Variants in LINC00305 observed in about 807,000 individuals in gnomAD.
The protein encoded by LINC00305 is long independently transcribed non-coding RNA 305, also known as long intergenic non-protein coding RNA 305.
intron 3 of LINC00305, among the ~76,000 whole-genome samples, chr18:64,091,667 C>T (rs2051225349): frequency 6.6e-6 from 1 of 152,236 alleles, no homozygotes. Flanking sequence ...GACCATTGGT[C>T]TGCAAAGCTC....
chr18:64,113,149 C>T (rs2051322444), intron 1 of LINC00305, among the ~76,000 whole-genome samples: 1 of 152,196 alleles, frequency 6.6e-6, no homozygotes, highest in South Asian at 2.1e-4. Flanking sequence ...ATTAACTACT[C>T]CCTACACTAG....
intron 1 of LINC00305, among the ~76,000 whole-genome samples, chr18:64,143,602 A>ATGTACACGTATTATGCGTACATATG (rs2051478127): frequency 4.1e-5 from 4 of 98,106 alleles, no homozygotes; most frequent in African/African-American, 1.0e-4. Context: ...ACACATATGT[A>ATGTACACGTATTATGCGTACATATG]TATGTACATA....
At chr18:64,085,868 C>A (rs2051201392) in intron 3 of LINC00305, among the ~76,000 whole-genome samples, 1 of 152,152 alleles carries the variant, frequency 6.6e-6, no homozygotes, top group African/African-American at 2.4e-5. Flanking sequence ...GCTGACTCTG[C>A]CATTAGCTAA....
chr18:64,142,769 G>C (rs948741885), intron 1 of LINC00305, among the ~76,000 whole-genome samples: 1 of 151,940 alleles, frequency 6.6e-6, no homozygotes, highest in Non-Finnish European at 1.5e-5. Context: ...ATAACCCCAG[G>C]AACCTTCTCC....
chr18:64,132,424 G>T (rs2144269437), intron 1 of LINC00305, among the ~76,000 whole-genome samples: 1 of 152,222 alleles, frequency 6.6e-6, no homozygotes, highest in Non-Finnish European at 1.5e-5. Context: ...TTAATTATTT[G>T]CACATATTCA....
At chr18:64,105,008 C>T (rs12957877) in intron 1 of LINC00305, among the ~76,000 whole-genome samples, 81 of 152,118 alleles carry the variant, frequency 5.3e-4, no homozygotes, top group Non-Finnish European at 1.0e-3. Flanking sequence ...TTTACTACTT[C>T]AGCACCCACC....
intron 1 of LINC00305, among the ~76,000 whole-genome samples, chr18:64,143,294 A>T (rs1170566676): frequency 6.6e-6 from 1 of 152,136 alleles, no homozygotes; most frequent in Non-Finnish European, 1.5e-5. Flanking sequence ...TAAGATTAAC[A>T]AAGCACCAAG....
At chr18:64,108,363 G>T (rs1352573479) in intron 1 of LINC00305, among the ~76,000 whole-genome samples, 4 of 152,184 alleles carry the variant, frequency 2.6e-5, no homozygotes, top group Admixed American at 2.6e-4. Flanking sequence ...GAGTATTATG[G>T]GTTAGCATGA....
At chr18:64,143,746 CGT>C (rs1245740186) in intron 1 of LINC00305, among the ~76,000 whole-genome samples, 26 of 69,406 alleles carry the variant, frequency 3.7e-4, no homozygotes, top group Middle Eastern at 0.016. Flanking sequence ...ACATATTATG[CGT>C]ACATGTATGT....
At chr18:64,083,822 G>T (rs2051193518) in intron 3 of LINC00305, among the ~76,000 whole-genome samples, 1 of 152,208 alleles carries the variant, frequency 6.6e-6, no homozygotes, top group Admixed American at 6.5e-5. Context: ...TTATAAACCT[G>T]CTTGATGGTA....
chr18:64,146,608 G>T (rs552341747), intron 1 of LINC00305, among the ~76,000 whole-genome samples: 1 of 152,246 alleles, frequency 6.6e-6, no homozygotes, highest in African/African-American at 2.4e-5. Flanking sequence ...CCACCAGCGG[G>T]GCTTCTGTGG....
Position 64,140,045 on chromosome 18 carries a change from G to A in LINC00305, n.314+8730C>T, listed in dbSNP as rs555000084. 4.3e-4 allele frequency among the ~76,000 whole-genome samples: 65 copies of A among 152,122 alleles called. No individual in the cohort carries two copies. The South Asian group carries it at 0.012, about 28-fold the overall frequency. Reference sequence around the variant, plus strand: ...CTCCCACCTCGGAGACCTTGTATCTGCTATTCCCTCGACTCAGGATGTGTG... The same window carrying A: ...CTCCCACCTCGGAGACCTTGTATCTACTATTCCCTCGACTCAGGATGTGTG... On this transcript the variant is annotated intron_variant and non_coding_transcript_variant, in intron 1 of 3. Coordinates refer to ENST00000666468, the Ensembl canonical transcript of LINC00305.
At chr18:64,144,262 T>C (rs1333685451) in intron 1 of LINC00305, among the ~76,000 whole-genome samples, 1 of 152,176 alleles carries the variant, frequency 6.6e-6, no homozygotes, top group Non-Finnish European at 1.5e-5. Context: ...CTTATTTGTG[T>C]TACTTTCTGA....
At chr18:64,095,978 A>G (rs1409965213) in intron 3 of LINC00305, among the ~76,000 whole-genome samples, 1 of 152,126 alleles carries the variant, frequency 6.6e-6, no homozygotes, top group Non-Finnish European at 1.5e-5. Context: ...AATTTCAACA[A>G]TAAAATGGGA....
chr18:64,102,828 A>G (rs749354252), intron 1 of LINC00305, among the ~76,000 whole-genome samples: 18 of 152,196 alleles, frequency 1.2e-4, no homozygotes, highest in Admixed American at 1.2e-3. Flanking sequence ...CTCACAATAC[A>G]GTATCAAGGA....
rs181314204 is a variant in LINC00305 at position 64,090,576 on chromosome 18, G to A, written n.540+7258C>T. 3.9e-5 allele frequency among the ~76,000 whole-genome samples: 6 copies of A among 152,276 alleles called. No individual in the cohort carries two copies. The East Asian group carries it at 5.8e-4, about 15-fold the overall frequency. ...CAATTGATCAGTATGTGCCACTAGC[G>A]ATCACTTGCAGGACTTGGTGCAGAA... On this transcript the variant is annotated intron_variant and non_coding_transcript_variant, in intron 3 of 3. Coordinates refer to ENST00000666468, the Ensembl canonical transcript of LINC00305.
At chr18:64,128,942 T>C (rs56129457) in intron 1 of LINC00305, among the ~76,000 whole-genome samples, 10,736 of 152,206 alleles carry the variant, frequency 0.071, 570 homozygotes, top group Non-Finnish European at 0.12. Flanking sequence ...GTGGAGAACC[T>C]GAGTGGGCTG....
chr18:64,143,763 A>G (rs139949186), intron 1 of LINC00305, among the ~76,000 whole-genome samples: 5,766 of 141,428 alleles, frequency 0.041, 521 homozygotes, highest in Non-Finnish European at 0.072. Context: ...GTATGTACAC[A>G]TATTATGCGT....
intron 1 of LINC00305, among the ~76,000 whole-genome samples, chr18:64,129,633 T>C (rs2051400457): frequency 6.6e-6 from 1 of 152,162 alleles, no homozygotes; most frequent in African/African-American, 2.4e-5. Flanking sequence ...AATCTTCTGC[T>C]GAGGTTTGCA....
Sources: allele counts gnomAD v4.1 joint callset (sites outside exome capture counted in the v4.1 genomes callset), GRCh38; gene constraint gnomAD v4.1.1; transcripts MANE v1.5; gene names NCBI Gene and HGNC (gene_info 2026-07-23, HGNC 2026-07-21).